LPCAT1: variants seen among roughly 807,000 people sequenced by gnomAD.
The protein encoded by LPCAT1 is 1-acylglycerol-3-phosphate O-acyltransferase.
LPCAT1 carries 23 observed loss-of-function variants against 60.9 expected under a neutral mutation model. That is an observed-to-expected ratio of 0.38 (90% confidence interval 0.27 to 0.53). The LOEUF (loss-of-function observed/expected upper bound fraction) is 0.53. Among genes scored for constraint, LPCAT1 ranks in the 20% least tolerant of loss-of-function variants. The pLI is 0.82. For missense variants in LPCAT1, 622 were observed against 723.6 expected (o/e 0.86, Z 1.61); for synonymous variants, 340 against 301.1 (o/e 1.13, Z -1.34).
At chr5:1,486,222 C>T (rs1469473655) in intron 5 of LPCAT1, among the ~76,000 whole-genome samples, 5 of 152,228 alleles carry the variant, frequency 3.3e-5, no homozygotes, top group African/African-American at 1.2e-4. Context: ...CTGCTGGAAC[C>T]CACCACATCC....
rs1271370136 is a variant in LPCAT1 at position 1,481,378 on chromosome 5, GA to G, written c.727-403del. Among the ~76,000 whole-genome samples the G allele has an allele frequency of 1.3e-5, 2 of 152,160 alleles. No individual in the cohort carries two copies. Among genetic ancestry groups the G allele is most frequent in the African/African-American group, 4.8e-5 (2 of 41,432 alleles). On this transcript the variant is annotated intron_variant, in intron 6 of 13. Transcript: ENST00000283415. The surrounding 1 kb of genome is among the most constrained non-coding windows in gnomAD (Gnocchi z 7.8). ...GACACCAATTCCAGTGTGCACCCGGGACCCCGGCCCTCTCCTGCCCACCGCT... is the reference window on the plus strand; with the variant it reads ...GACACCAATTCCAGTGTGCACCCGGGCCCCGGCCCTCTCCTGCCCACCGCT...
At chr5:1,520,196 C>T (rs913740046) in intron 1 of LPCAT1, among the ~76,000 whole-genome samples, 9 of 152,260 alleles carry the variant, frequency 5.9e-5, no homozygotes, top group Non-Finnish European at 1.3e-4. Context: ...CACACGAATT[C>T]CTGTTCTGCA....
In LPCAT1 at chr5:1,484,996, G is replaced by A. The variant is rs147552634; in HGVS notation, c.668-1510C>T. Among the ~76,000 whole-genome samples the A allele has an allele frequency of 1.3e-4, 20 of 152,292 alleles. 1 individual carries two copies. The highest frequency in any genetic ancestry group is 2.9e-4 in the Non-Finnish European group (20 of 68,012). ...GGCTCAAGCCCCAGCTCCAACGCCCGGCAGCCGAGTCCCAGCCCCTGAGAC... is the reference window on the plus strand; with the variant it reads ...GGCTCAAGCCCCAGCTCCAACGCCCAGCAGCCGAGTCCCAGCCCCTGAGAC... On this transcript the variant is annotated intron_variant, in intron 5 of 13. Coordinates refer to ENST00000283415, the MANE Select transcript of LPCAT1 (RefSeq NM_024830.5).
chr5:1,482,982 C>T (rs905806169), intron 6 of LPCAT1, among the ~76,000 whole-genome samples: 2 of 152,214 alleles, frequency 1.3e-5, no homozygotes, highest in Non-Finnish European at 2.9e-5. Context: ...CAGCTGCCTC[C>T]GCCTTCCAGA....
chr5:1,502,199 C>T lies in LPCAT1; in HGVS notation c.136-596G>A, dbSNP rs1736041607. On this transcript the variant is annotated intron_variant, in intron 1 of 13. Coordinates refer to ENST00000283415, the MANE Select transcript of LPCAT1 (RefSeq NM_024830.5). The surrounding 1 kb of genome is among the most constrained non-coding windows in gnomAD (Gnocchi z 5.5). ...TCCTCCTGCAAATTCAAGGGCCACTCTGACGCACAGCACACAACCCCAGGC... is the reference window on the plus strand; with the variant it reads ...TCCTCCTGCAAATTCAAGGGCCACTTTGACGCACAGCACACAACCCCAGGC... 6.6e-6 allele frequency among the ~76,000 whole-genome samples: 1 copy of T among 152,204 alleles called. No individual in the cohort carries two copies. Among genetic ancestry groups the T allele is most frequent in the African/African-American group, 2.4e-5 (1 of 41,456 alleles).
chr5:1,486,357 A>G (rs936910165), intron 5 of LPCAT1, among the ~76,000 whole-genome samples: 1 of 152,066 alleles, frequency 6.6e-6, no homozygotes, highest in Non-Finnish European at 1.5e-5. Flanking sequence ...CTCAGGAGAA[A>G]GAAGGCACCT....
At chr5:1,515,865 T>A (rs1356967327) in intron 1 of LPCAT1, among the ~76,000 whole-genome samples, 1 of 151,936 alleles carries the variant, frequency 6.6e-6, no homozygotes, top group Admixed American at 6.5e-5. Context: ...TGTCCCTGGC[T>A]ATGGGAGACC....
intron 1 of LPCAT1, among the ~76,000 whole-genome samples, chr5:1,504,691 G>A (rs554601138): frequency 7.4e-6 from 1 of 136,044 alleles, no homozygotes; most frequent in African/African-American, 3.0e-5. Context: ...TCTAGCCTGG[G>A]CAACAAGAGC....
In LPCAT1 at chr5:1,500,908, C is replaced by A. The variant is rs577277944; in HGVS notation, c.278+553G>T. On this transcript the variant is annotated intron_variant, in intron 2 of 13. Coordinates refer to ENST00000283415, the MANE Select transcript of LPCAT1 (RefSeq NM_024830.5). ...CGGCACCCGCACCAGGTCCAGCTGCCTCTGCATGGGGGCCACTGAGGCAGG... is the reference window on the plus strand; with the variant it reads ...CGGCACCCGCACCAGGTCCAGCTGCATCTGCATGGGGGCCACTGAGGCAGG... Among the ~76,000 whole-genome samples the A allele has an allele frequency of 1.4e-4, 22 of 152,348 alleles. No homozygotes were observed. In the South Asian group the frequency reaches 4.6e-3, roughly 32 times the overall value.
Position 1,523,717 on chromosome 5 carries a change from T to C in LPCAT1, c.128A>G (p.Lys43Arg). 8.7e-7 allele frequency: 1 copy of C among 1,149,874 alleles called. No homozygotes were observed. The highest frequency in any genetic ancestry group is 4.8e-5 in the Admixed American group (1 of 20,928). The allele number at this position is 1,149,874 out of a possible 1,614,324, so 71.2% of individuals were successfully genotyped here. The change falls in exon 1 of 14, where the codon AAG (lysine) becomes AGG (arginine). Residue 43 changes from lysine (K) to arginine (R), a missense_variant. By Grantham distance (26) the Lys-to-Arg change is conservative. This residue lies in a region of LPCAT1 where 125 missense variants were observed against 114.5 expected (regional missense o/e 1.09). Coordinates refer to ENST00000283415, the MANE Select transcript of LPCAT1 (RefSeq NM_024830.5). This position sits in a 1 kb window ranked among gnomAD's most constrained non-coding sequence, Gnocchi z 7.1. ...CGCGCCCTGGGCACCCACCTGGGCC[T>C]TCTGCAGGGCGCTGAGGCGCAGCTC... is the stretch of plus-strand genomic sequence containing the variant. ...VHELRLSALQ[K>R]AQVALMTLTL...
chr5:1,490,389 C>G (rs1242705272), intron 3 of LPCAT1, among the ~76,000 whole-genome samples: 3 of 152,002 alleles, frequency 2.0e-5, no homozygotes, highest in Non-Finnish European at 4.4e-5. Flanking sequence ...AGCAGATGCT[C>G]AAGCTAAAAT....
intron 3 of LPCAT1, among the ~76,000 whole-genome samples, chr5:1,492,884 C>T (rs1322857018): frequency 3.9e-5 from 6 of 152,244 alleles, no homozygotes; most frequent in African/African-American, 1.2e-4. Flanking sequence ...CCTGCAGCTG[C>T]GAGGGTGCCT....
chr5:1,508,107 C>T (rs1437819307), intron 1 of LPCAT1, among the ~76,000 whole-genome samples: 1 of 152,196 alleles, frequency 6.6e-6, no homozygotes, highest in Non-Finnish European at 1.5e-5. Flanking sequence ...CTTCAGCCTC[C>T]AGAATGGTGA....
At chr5:1,508,144 C>T (rs138128270) in intron 1 of LPCAT1, among the ~76,000 whole-genome samples, 298 of 152,320 alleles carry the variant, frequency 2.0e-3, no homozygotes, top group Middle Eastern at 0.014. Context: ...GTTCGGGAGG[C>T]ACCTCGTCTG....
chr5:1,489,246 A>G (rs1275594030), intron 4 of LPCAT1, among the ~76,000 whole-genome samples: 1 of 152,240 alleles, frequency 6.6e-6, no homozygotes, highest in Non-Finnish European at 1.5e-5. Context: ...GATCCCAGAC[A>G]GTTCTGTAAA....
Position 1,487,064 on chromosome 5 carries a change from C to T in LPCAT1, c.667+1327G>A, listed in dbSNP as rs1404950301. Among the ~76,000 whole-genome samples the T allele has an allele frequency of 6.6e-6, 1 of 152,234 alleles. No individual in the cohort carries two copies. The highest frequency in any genetic ancestry group is 1.5e-5 in the Non-Finnish European group (1 of 68,034). ...CAAAGGGCAAGGCGATGGCCCTCCC[C>T]AGGGGCCTCCCTGCAGGCACGAGGC... On this transcript the variant is annotated intron_variant, in intron 5 of 13. Coordinates refer to ENST00000283415, the MANE Select transcript of LPCAT1 (RefSeq NM_024830.5). This position sits in a 1 kb window ranked among gnomAD's most constrained non-coding sequence, Gnocchi z 6.1.
intron 1 of LPCAT1, among the ~76,000 whole-genome samples, chr5:1,515,671 C>T (rs954534203): frequency 6.6e-6 from 1 of 150,792 alleles, no homozygotes; most frequent in African/African-American, 2.4e-5. Context: ...AAGTCCCACC[C>T]ACTTAGCTGC....
At chr5:1,517,448 C>T (rs1426234014) in intron 1 of LPCAT1, among the ~76,000 whole-genome samples, 2 of 152,176 alleles carry the variant, frequency 1.3e-5, no homozygotes, top group Non-Finnish European at 2.9e-5. Context: ...CAGACAAGAG[C>T]GGTGAGACGG....
rs1736703630 is a variant in LPCAT1, at chr5:1,522,384, G to A, written c.135+1326C>T. 6.6e-6 allele frequency among the ~76,000 whole-genome samples: 1 copy of A among 152,184 alleles called. No individual in the cohort carries two copies. Among genetic ancestry groups the A allele is most frequent in the Non-Finnish European group, 1.5e-5 (1 of 68,030 alleles). On this transcript the variant is annotated intron_variant, in intron 1 of 13. Transcript: ENST00000283415. The surrounding 1 kb of genome is among the most constrained non-coding windows in gnomAD (Gnocchi z 6.8). ...GCTGACAGCGTGTGGCAGACAGAGG[G>A]CCAGGCAGAGCGGCGGCAGAGGGGC...
Sources: gnomAD v4.1 joint callset for allele counts (sites outside exome capture counted in the v4.1 genomes callset) on GRCh38, gnomAD v4.1.1 for gene constraint, gnomAD v4.1.1 regional missense constraint, Gnocchi (gnomAD v3.1) non-coding constraint, MANE v1.5 for transcripts, NCBI Gene and HGNC (gene_info 2026-07-23, HGNC 2026-07-21) for gene names.